Variants in GALK2 observed in about 807,000 individuals in gnomAD.
GALK2 encodes N-acetylgalactosamine kinase.
Under a neutral mutation model 52.4 loss-of-function variants are expected in GALK2, and 36 were observed. The observed-to-expected ratio is 0.69, with a 90% CI of 0.53 to 0.91. The LOEUF (loss-of-function observed/expected upper bound fraction) is 0.91, where lower values mean the gene tolerates loss of function less well. Ranked by LOEUF, GALK2 falls within the 40% of genes least tolerant of loss-of-function variation. The probability of loss-of-function intolerance (pLI) is 0.00; values close to 1 mark genes in which losing one functional copy is unlikely to be tolerated. For synonymous variants in GALK2, 176 were observed against 199.1 expected (o/e 0.88, Z 0.98); for missense variants, 579 against 559.1 (o/e 1.04, Z -0.36).
intron 2 of GALK2, among the ~76,000 whole-genome samples, chr15:49,216,823 C>T (rs934224080): frequency 6.6e-5 from 10 of 152,182 alleles, no homozygotes; most frequent in African/African-American, 1.9e-4. Flanking sequence ...ACTCACTTCA[C>T]CCTCCCTCCC....
At chr15:49,307,399 A>G (rs568497415) in intron 8 of GALK2, among the ~76,000 whole-genome samples, 1 of 152,354 alleles carries the variant, frequency 6.6e-6, no homozygotes, top group African/African-American at 2.4e-5. Context: ...CAAATGCCAC[A>G]ATCAAAATGG....
downstream of GALK2, among the ~76,000 whole-genome samples, chr15:49,335,209 CTTCCT>C (rs2039495142): frequency 6.6e-6 from 1 of 152,106 alleles, no homozygotes; most frequent in Non-Finnish European, 1.5e-5. Flanking sequence ...GCAAAGCTTC[CTTCCT>C]TTCTTCTGTC....
chr15:49,281,327 C>T (rs2032663420), intron 5 of GALK2, among the ~76,000 whole-genome samples: 1 of 152,206 alleles, frequency 6.6e-6, no homozygotes, highest in Non-Finnish European at 1.5e-5. Flanking sequence ...ATTTCGTATG[C>T]ATAATGGTCC....
chr15:49,289,627 A>G (rs370712162), intron 7 of GALK2, among the ~76,000 whole-genome samples: 1 of 152,160 alleles, frequency 6.6e-6, no homozygotes, highest in African/African-American at 2.4e-5. Flanking sequence ...ATGGTGGGAC[A>G]TGACTGAGCT....
downstream of GALK2, chr15:49,335,333 G>A (rs2151176663): frequency 3.6e-6 from 3 of 835,146 alleles, no homozygotes; most frequent in Non-Finnish European, 3.9e-6. Context: ...CATCATTAAG[G>A]AACTTAGTTT....
downstream of GALK2, chr15:49,335,305 C>G: frequency 1.5e-6 from 1 of 662,692 alleles, no homozygotes; most frequent in South Asian, 1.9e-5. Context: ...CTATAAGATG[C>G]TCAGACATGA....
intron 3 of GALK2, among the ~76,000 whole-genome samples, chr15:49,231,544 A>G (rs1409623019): frequency 1.3e-5 from 2 of 152,190 alleles, no homozygotes; most frequent in African/African-American, 2.4e-5. Context: ...TCATTCCAGC[A>G]TTAACTTACA....
intron 3 of GALK2, among the ~76,000 whole-genome samples, chr15:49,366,929 A>G (rs1461381937): frequency 6.6e-6 from 1 of 152,090 alleles, no homozygotes; most frequent in Non-Finnish European, 1.5e-5. Context: ...ATAGGACTGT[A>G]AAAAACAGAA....
At chr15:49,212,236 G>A (rs542282117) in intron 2 of GALK2, among the ~76,000 whole-genome samples, 1 of 152,164 alleles carries the variant, frequency 6.6e-6, no homozygotes, top group Non-Finnish European at 1.5e-5. Flanking sequence ...GGGATTACAG[G>A]TGTCCACGAC....
intron 3 of GALK2, among the ~76,000 whole-genome samples, chr15:49,362,369 G>A (rs572453587): frequency 6.6e-6 from 1 of 152,144 alleles, no homozygotes; most frequent in East Asian, 1.9e-4. Context: ...TGCTGTGATT[G>A]TAAGTTTCCT....
chr15:49,253,635 A>G (rs2091699400), intron 5 of GALK2, among the ~76,000 whole-genome samples: 1 of 144,280 alleles, frequency 6.9e-6, no homozygotes, highest in Middle Eastern at 3.5e-3. Context: ...GATCCATATG[A>G]TAGGCCATTT....
intron 6 of GALK2, among the ~76,000 whole-genome samples, chr15:49,283,364 C>T (rs935119417): frequency 2.0e-5 from 3 of 152,142 alleles, no homozygotes; most frequent in East Asian, 1.9e-4. Flanking sequence ...CACTTGATTG[C>T]GGGCTCTATG....
chr15:49,325,991 C>A (rs2037414316), intron 9 of GALK2, among the ~76,000 whole-genome samples: 1 of 152,156 alleles, frequency 6.6e-6, no homozygotes, highest in Admixed American at 6.5e-5. Context: ...CTTTCAAAAA[C>A]TGTTCAAATG....
intron 3 of GALK2, among the ~76,000 whole-genome samples, chr15:49,354,715 G>C (rs2042822359): frequency 6.6e-6 from 1 of 152,208 alleles, no homozygotes; most frequent in South Asian, 2.1e-4. Context: ...CAGTCGGGAA[G>C]CTCGAACTGG....
Position 49,297,341 on chromosome 15 carries a change from G to A in GALK2, c.967+4804G>A, listed in dbSNP as rs192171879. Among the ~76,000 whole-genome samples, 1,171 of 152,212 alleles carry A rather than the reference G, an allele frequency of 7.7e-3. 8 individuals are homozygous for A. The highest frequency in any genetic ancestry group is 0.012 in the Non-Finnish European group (819 of 68,006). On this transcript the variant is annotated intron_variant, in intron 8 of 9. Coordinates refer to ENST00000560031, the MANE Select transcript of GALK2 (RefSeq NM_002044.4). Reference sequence around the variant, plus strand: ...GATTCTGGATATTAGACATTTGTAAGATGCATAGTTTGCAAAAATTTTATC... The same window carrying A: ...GATTCTGGATATTAGACATTTGTAAAATGCATAGTTTGCAAAAATTTTATC...
intron 3 of GALK2, chr15:49,366,488 T>G: frequency 8.5e-7 from 1 of 1,173,910 alleles, no homozygotes; most frequent in Non-Finnish European, 1.3e-6. Flanking sequence ...GGAAGTCAGA[T>G]TCATCAAACT....
At chr15:49,339,713 G>A (rs1596299753) in intron 3 of GALK2, among the ~76,000 whole-genome samples, 2 of 152,360 alleles carry the variant, frequency 1.3e-5, no homozygotes, top group East Asian at 3.9e-4. Flanking sequence ...GTTTGCTGAA[G>A]CTGTGCCTAC....
chr15:49,314,638 A>G (rs1371598384), intron 8 of GALK2, among the ~76,000 whole-genome samples: 3 of 152,230 alleles, frequency 2.0e-5, no homozygotes, highest in Non-Finnish European at 2.9e-5. Flanking sequence ...GCTGCTAGAG[A>G]TAGTTATGAA....
At chr15:49,159,153 G>A (rs1466935533) in intron 1 of GALK2, among the ~76,000 whole-genome samples, 1 of 152,156 alleles carries the variant, frequency 6.6e-6, no homozygotes, top group African/African-American at 2.4e-5. Context: ...TAGTGGCTGT[G>A]TAATAATCCC....
Sources: gnomAD v4.1 joint callset for allele counts (sites outside exome capture counted in the v4.1 genomes callset) on GRCh38, gnomAD v4.1.1 for gene constraint, MANE v1.5 for transcripts, NCBI Gene and HGNC (gene_info 2026-07-23, HGNC 2026-07-21) for gene names.